PRKCB: variants seen among roughly 807,000 people sequenced by gnomAD.
PRKCB encodes the protein protein kinase C beta.
In PRKCB, 13 loss-of-function variants were observed where a neutral mutation model predicts 81.5. The observed-to-expected ratio is 0.16, with a 90% CI of 0.10 to 0.25. PRKCB has a LOEUF of 0.25. Ranked by LOEUF, PRKCB falls within the 10% of genes least tolerant of loss-of-function variation. The pLI, the probability that PRKCB is intolerant of heterozygous loss-of-function variation, is 1.00. For synonymous variants in PRKCB, 335 were observed against 321.4 expected, an observed-to-expected ratio of 1.04 and a Z score of -0.45; for missense variants, 509 against 875.7, an observed-to-expected ratio of 0.58 and a Z score of 5.29.
intron 2 of PRKCB, among the ~76,000 whole-genome samples, chr16:23,850,507 G>A (rs959799038): frequency 9.2e-5 from 14 of 151,904 alleles, no homozygotes; most frequent in African/African-American, 1.5e-4. Context: ...CTGGGATTAC[G>A]GGCATGCACC....
chr16:24,019,762 T>TAA (rs1376852763), intron 3 of PRKCB, among the ~76,000 whole-genome samples: 1 of 134,108 alleles, frequency 7.5e-6, no homozygotes, highest in East Asian at 2.1e-4. Context: ...AGGCCTTGCC[T>TAA]AAAAAAAAAA....
chr16:23,837,512 C>T, intron 2 of PRKCB, 106 bp downstream of exon 2: 1 of 1,375,068 alleles, frequency 7.3e-7, no homozygotes, highest in African/African-American at 1.5e-5. Context: ...TCACGTTGGT[C>T]GGAGTGACCT....
At chr16:24,177,158 A>T (rs1967548106) in intron 12 of PRKCB, among the ~76,000 whole-genome samples, 1 of 152,226 alleles carries the variant, frequency 6.6e-6, no homozygotes, top group South Asian at 2.1e-4. Flanking sequence ...CATTGTAGGA[A>T]ACAGGAGAGG....
rs1207875176 is a variant in PRKCB, at chr16:24,000,035, A to T, written c.288+11445A>T. Among the ~76,000 whole-genome samples the T allele has an allele frequency of 4.6e-5, 7 of 152,336 alleles. No homozygotes were observed. The South Asian group carries it at 1.4e-3, about 32-fold the overall frequency. ...GTGGTTTCCAGGCTCCAAGAAGAGC[A>T]AGAGAGCATCTCCCAACACTTTTTA... On this transcript the variant is annotated intron_variant, in intron 3 of 16. Transcript: ENST00000643927.
At chr16:23,896,874 A>G (rs1040835312) in intron 2 of PRKCB, among the ~76,000 whole-genome samples, 2 of 145,666 alleles carry the variant, frequency 1.4e-5, no homozygotes, top group South Asian at 2.3e-4. Context: ...CTCTTCATCC[A>G]TCCATCCAAC....
intron 2 of PRKCB, among the ~76,000 whole-genome samples, chr16:23,911,127 G>GTTTTTT (rs1567310884): frequency 8.5e-5 from 1 of 11,786 alleles, no homozygotes; most frequent in South Asian, 2.7e-3. Flanking sequence ...ACGTATATAT[G>GTTTTTT]CTTTTTTTTT....
At chr16:24,163,027 G>C (rs751268735) in intron 10 of PRKCB, among the ~76,000 whole-genome samples, 1 of 152,090 alleles carries the variant, frequency 6.6e-6, no homozygotes, top group Non-Finnish European at 1.5e-5. Flanking sequence ...ACATGACTTC[G>C]TTAGCTCCTT....
rs7205305 is a variant in PRKCB at position 24,066,926 on chromosome 16, T to C, written c.530-25865T>C. On this transcript the variant is annotated intron_variant, in intron 5 of 16. Coordinates refer to ENST00000643927, the MANE Select transcript of PRKCB (RefSeq NM_002738.7). ...GTGCAGTGGCACAATCATCACTCAT[T>C]GCAGCCTTGAACTCCTGGCCTCAAG... Among the ~76,000 whole-genome samples the C allele has an allele frequency of 7.8e-3, 1,188 of 152,264 alleles. 19 individuals carry two copies. Among genetic ancestry groups the C allele is most frequent in the African/African-American group, 0.027 (1,114 of 41,548 alleles).
chr16:24,017,093 G>A (rs982932865), intron 3 of PRKCB, among the ~76,000 whole-genome samples: 1 of 152,136 alleles, frequency 6.6e-6, no homozygotes, highest in African/African-American at 2.4e-5. Flanking sequence ...GAATGCTAGG[G>A]GAGGGGCCAG....
intron 1 of PRKCB, among the ~76,000 whole-genome samples, chr16:23,837,001 C>G (rs935543569): frequency 3.3e-5 from 5 of 149,770 alleles, no homozygotes; most frequent in African/African-American, 1.2e-4. Flanking sequence ...CCAGAGGACA[C>G]CACCGCCGCG....
chr16:23,853,022 T>TG (rs1322660539), intron 2 of PRKCB, among the ~76,000 whole-genome samples: 1 of 152,196 alleles, frequency 6.6e-6, no homozygotes, highest in Non-Finnish European at 1.5e-5. Flanking sequence ...TTGCCTTCTT[T>TG]GGGGAACATC....
chr16:23,919,123 G>T (rs956664871), intron 2 of PRKCB, among the ~76,000 whole-genome samples: 11 of 152,082 alleles, frequency 7.2e-5, no homozygotes, highest in African/African-American at 2.7e-4. Flanking sequence ...TTTTTTAAAG[G>T]GTTATGTAAA....
At chr16:23,969,864 GGT>G (rs751356995) in intron 2 of PRKCB, among the ~76,000 whole-genome samples, 31 of 151,738 alleles carry the variant, frequency 2.0e-4, no homozygotes, top group Admixed American at 3.9e-4. Context: ...GTGATTGATA[GGT>G]GTGTGTGTGT....
At chr16:24,037,572 A>C (rs8046263) in intron 5 of PRKCB, among the ~76,000 whole-genome samples, 16,317 of 152,046 alleles carry the variant, frequency 0.11, 1,094 homozygotes, top group African/African-American at 0.17. Context: ...TGTTTAGTTT[A>C]GTTTCGTTTC....
intron 8 of PRKCB, among the ~76,000 whole-genome samples, chr16:24,118,880 A>G (rs1966765080): frequency 6.6e-6 from 1 of 152,108 alleles, no homozygotes; most frequent in Non-Finnish European, 1.5e-5. Flanking sequence ...TCAAAGGACA[A>G]AGGACAGGGC....
intron 15 of PRKCB, among the ~76,000 whole-genome samples, chr16:24,188,173 T>C (rs562964541): frequency 1.3e-5 from 2 of 152,306 alleles, no homozygotes; most frequent in East Asian, 3.9e-4. Context: ...CCCATAACCT[T>C]CATGATTAAC....
In PRKCB at chr16:23,836,743, G is replaced by T. The variant is rs558918726; in HGVS notation, c.173+395G>T. On this transcript the variant is annotated intron_variant, in intron 1 of 16. Transcript: ENST00000643927. ...CTCCGCCTGCTTCCGGGCGCGAGGAGCCCTCGCCCCCCACCCCTTGTTTCC... is the reference window on the plus strand; with the variant it reads ...CTCCGCCTGCTTCCGGGCGCGAGGATCCCTCGCCCCCCACCCCTTGTTTCC... 5.4e-3 allele frequency among the ~76,000 whole-genome samples: 799 copies of T among 146,606 alleles called. 4 individuals are homozygous for T. Among genetic ancestry groups the T allele is most frequent in the Non-Finnish European group, 8.2e-3 (548 of 66,748 alleles).
chr16:24,180,089 C>T (rs745444911), intron 12 of PRKCB, among the ~76,000 whole-genome samples: 6 of 152,114 alleles, frequency 3.9e-5, no homozygotes, highest in African/African-American at 1.2e-4. Flanking sequence ...GGACTACAGG[C>T]GCCCACGACC....
At chr16:23,965,719 C>T (rs765456482) in intron 2 of PRKCB, among the ~76,000 whole-genome samples, 4 of 152,180 alleles carry the variant, frequency 2.6e-5, no homozygotes, top group African/African-American at 9.7e-5. Flanking sequence ...CTAAGCTGTC[C>T]CCTCTACCAT....
Sources: allele counts gnomAD v4.1 joint callset (sites outside exome capture counted in the v4.1 genomes callset), GRCh38; gene constraint gnomAD v4.1.1; transcripts MANE v1.5; gene names NCBI Gene and HGNC (gene_info 2026-07-23, HGNC 2026-07-21).